Variants in ADIG observed in about 807,000 individuals in gnomAD.
The protein encoded by ADIG is adipogenesis associated.
In ADIG, 12 loss-of-function variants were observed where a neutral mutation model predicts 10.7. That is an observed-to-expected ratio of 1.12 (90% CI 0.72 to 1.82). The LOEUF is 1.82. ADIG is among the 40% of genes most tolerant of loss of function. ADIG has a pLI of 0.00. For missense variants in ADIG, 72 were observed against 92.5 expected (o/e 0.78, Z 0.91); for synonymous variants, 32 against 35.6 (o/e 0.90, Z 0.36).
At chr20:38,585,430 C>T (rs1019153701) in intron 1 of ADIG, 31 of 1,550,110 alleles carry the variant, frequency 2.0e-5, no homozygotes, top group East Asian at 4.9e-5. Context: ...TATAATATAC[C>T]GTAGATATTC....
chr20:38,581,472 C>T, intron 1 of ADIG, 98 bp downstream of exon 1: 2 of 1,526,942 alleles, frequency 1.3e-6, no homozygotes, highest in South Asian at 1.2e-5. Context: ...GAAGGGGCTT[C>T]CTTCAGTCAT....
rs1472236586 is a variant in ADIG, at chr20:38,588,317, A to G, written c.*231A>G. On this transcript the variant is annotated 3_prime_UTR_variant, in exon 3 of 3. Transcript: ENST00000537425. Reference sequence around the variant, plus strand: ...CTGCAGGGAGCCGCTCAAGTCTGGGAGGGCATGGGAGCAGTGAGCAGGCCC... The same window carrying G: ...CTGCAGGGAGCCGCTCAAGTCTGGGGGGGCATGGGAGCAGTGAGCAGGCCC... 2 of 1,304,036 alleles carry G rather than the reference A, an allele frequency of 1.5e-6. No homozygotes were observed. The highest frequency in any genetic ancestry group is 2.0e-6 in the Non-Finnish European group (2 of 988,832). 80.8% of individuals were successfully genotyped at this position (1,304,036 alleles called of 1,614,324 possible).
Position 38,588,248 on chromosome 20 carries a change from C to T in ADIG, c.*162C>T, listed in dbSNP as rs566728510. 1.5e-6 allele frequency: 2 copies of T among 1,304,360 alleles called. No homozygotes were observed. The highest frequency in any genetic ancestry group is 2.0e-6 in the Non-Finnish European group (2 of 988,962). The allele number at this position is 1,304,360 out of a possible 1,614,324, so 80.8% of individuals were successfully genotyped here. On this transcript the variant is annotated 3_prime_UTR_variant, in exon 3 of 3. Coordinates refer to ENST00000537425, the MANE Select transcript of ADIG (RefSeq NM_001393816.1). ...CTTCAGACCGACATGTGAAAGCCTC[C>T]AGAGGTCCCAGCCCTTCTCCAGCAT...
chr20:38,582,229 C>G (rs2088596141), intron 1 of ADIG, among the ~76,000 whole-genome samples: 1 of 152,102 alleles, frequency 6.6e-6, no homozygotes, highest in African/African-American at 2.4e-5. Context: ...GGGCAACGTC[C>G]CTACAAGGAA....
chr20:38,584,415 G>A (rs565278865), intron 1 of ADIG, among the ~76,000 whole-genome samples: 2 of 152,334 alleles, frequency 1.3e-5, no homozygotes, highest in African/African-American at 2.4e-5. Flanking sequence ...GAAGGATGAA[G>A]GGAAACCTCC....
rs2088619103 is a variant in ADIG, at chr20:38,584,638, A to C, written c.125-1391A>C. On this transcript the variant is annotated intron_variant, in intron 1 of 2. Transcript: ENST00000537425. ...AGTGATTTCACCATCCTCATCTGTA[A>C]AGTACAAAAAATACTAGTAATTGAC... Among the ~76,000 whole-genome samples, 2 of 152,326 alleles carry C rather than the reference A, an allele frequency of 1.3e-5. 1 individual carries two copies. Among genetic ancestry groups the C allele is most frequent in the South Asian group, 4.1e-4 (2 of 4,820 alleles).
intron 1 of ADIG, among the ~76,000 whole-genome samples, chr20:38,584,465 A>G (rs1301189501): frequency 1.3e-5 from 2 of 152,230 alleles, no homozygotes; most frequent in Non-Finnish European, 2.9e-5. Flanking sequence ...GAGTGGCGCA[A>G]CAACCCCTCA....
intron 1 of ADIG, among the ~76,000 whole-genome samples, chr20:38,583,468 G>C (rs113552080): frequency 0.014 from 2,199 of 152,320 alleles, 68 homozygotes; most frequent in African/African-American, 0.05. Flanking sequence ...GTTGTGACAG[G>C]CTTCAGTGGT....
chr20:38,581,332 C>G lies in ADIG; in HGVS notation c.82C>G (p.Leu28Val). Reference sequence around the variant, plus strand: ...CTGGTTCTGCCTCCCTGTGGGTTTGCTGTTGTTATTGATCATCTGGCTACG... The same window carrying G: ...CTGGTTCTGCCTCCCTGTGGGTTTGGTGTTGTTATTGATCATCTGGCTACG... The part of the protein sequence containing the change: ...VFWFCLPVGL[L>V]LLLIIWLRFL... Residue 28 changes from leucine (L) to valine (V), a missense_variant, in exon 1 of 3, where the codon CTG (leucine) becomes GTG (valine). By Grantham distance (32) the Leu-to-Val change is conservative. Coordinates refer to ENST00000537425, the MANE Select transcript of ADIG (RefSeq NM_001393816.1). 1 of 1,614,012 alleles carries G rather than the reference C, an allele frequency of 6.2e-7. No individual in the cohort carries two copies. Among genetic ancestry groups the G allele is most frequent in the South Asian group, 1.1e-5 (1 of 91,082 alleles).
intron 1 of ADIG, among the ~76,000 whole-genome samples, chr20:38,582,524 G>T (rs1569000163): frequency 6.6e-6 from 1 of 152,234 alleles, no homozygotes; most frequent in African/African-American, 2.4e-5. Context: ...GAGGCAGGGT[G>T]AGAAGTCCCT....
At chr20:38,581,588 G>A (rs1601118216) in intron 1 of ADIG, among the ~76,000 whole-genome samples, 4 of 146,070 alleles carry the variant, frequency 2.7e-5, no homozygotes, top group Middle Eastern at 3.6e-3. Flanking sequence ...CCTAGAGTTT[G>A]AACCTAGAGT....
intron 2 of ADIG, 88 bp from the exon 3 acceptor site, chr20:38,588,013 C>T (rs2088652225): frequency 6.6e-6 from 8 of 1,212,042 alleles, no homozygotes; most frequent in Non-Finnish European, 7.4e-6. Context: ...GCTGGGATTA[C>T]AGGCATGAAC....
intron 1 of ADIG, among the ~76,000 whole-genome samples, chr20:38,583,841 C>A (rs565716932): frequency 6.6e-6 from 1 of 152,182 alleles, no homozygotes; most frequent in Non-Finnish European, 1.5e-5. Context: ...GAAGAGAAAC[C>A]GTCCTTAAAG....
At chr20:38,583,897 C>T (rs1277373917) in intron 1 of ADIG, among the ~76,000 whole-genome samples, 2 of 152,180 alleles carry the variant, frequency 1.3e-5, no homozygotes, top group Non-Finnish European at 2.9e-5. Flanking sequence ...CTAAAACTCC[C>T]AGTATTATTG....
chr20:38,586,088 G>A lies in ADIG; in HGVS notation c.184G>A (p.Ala62Thr), dbSNP rs373793850. Residue 62 changes from alanine to threonine, a missense_variant, in exon 2 of 3, where the codon GCT becomes ACT. Ala to Thr is a moderately conservative substitution (Grantham distance 58). Transcript: ENST00000537425. ...TTGGGAGCCCTGGAGCAAAGGCCCA[G>A]CTGAGTTTTGCTGGAAGGGGACACT... is the stretch of plus-strand genomic sequence containing the variant. The part of the protein sequence containing the change: ...LDWEPWSKGP[A>T]EFCWKGTLHG... 1.2e-6 allele frequency: 2 copies of A among 1,609,472 alleles called. No individual in the cohort carries two copies. Among genetic ancestry groups the A allele is most frequent in the Non-Finnish European group, 1.7e-6 (2 of 1,178,162 alleles).
intron 1 of ADIG, among the ~76,000 whole-genome samples, chr20:38,582,560 T>C (rs2088598487): frequency 6.6e-6 from 1 of 152,160 alleles, no homozygotes; most frequent in Non-Finnish European, 1.5e-5. Context: ...AGCCCCATGA[T>C]CTCAAATGTA....
chr20:38,585,604 T>C (rs2088629334), intron 1 of ADIG: 1 of 1,401,622 alleles, frequency 7.1e-7, no homozygotes, highest in South Asian at 1.3e-5. Flanking sequence ...TGTTTTATTG[T>C]TCGTGTGTGC....
chr20:38,583,539 G>T lies in ADIG; in HGVS notation c.124+2165G>T, dbSNP rs180964775. Among the ~76,000 whole-genome samples, 4 of 152,212 alleles carry T rather than the reference G, an allele frequency of 2.6e-5. No individual in the cohort carries two copies. In the East Asian group the frequency reaches 5.8e-4, roughly 22 times the overall value. On this transcript the variant is annotated intron_variant, in intron 1 of 2. Coordinates refer to ENST00000537425, the MANE Select transcript of ADIG (RefSeq NM_001393816.1). ...AGTACGCATACACACCTGGCACATCGTAGGTTCCTGTAGGCTGAGAAAATA... is the reference window on the plus strand; with the variant it reads ...AGTACGCATACACACCTGGCACATCTTAGGTTCCTGTAGGCTGAGAAAATA...
chr20:38,582,519 AG>A (rs1274258524), intron 1 of ADIG, among the ~76,000 whole-genome samples: 1 of 152,236 alleles, frequency 6.6e-6, no homozygotes, highest in Non-Finnish European at 1.5e-5. Flanking sequence ...TTGTTGAGGC[AG>A]GGTGAGAAGT....
Sources: allele counts gnomAD v4.1 joint callset (sites outside exome capture counted in the v4.1 genomes callset), GRCh38; gene constraint gnomAD v4.1.1; transcripts MANE v1.5; gene names NCBI Gene and HGNC (gene_info 2026-07-23, HGNC 2026-07-21).